The following ZXDC variants were observed in gnomAD, a reference collection of about 807,000 sequenced individuals.
ZXDC encodes ZXD family zinc finger C, also known as zinc finger protein ZXDC.
A neutral mutation model predicts 63.6 loss-of-function variants in ZXDC; 58 were observed. The observed-to-expected ratio is 0.91, with a 90% CI of 0.74 to 1.13. The LOEUF (loss-of-function observed/expected upper bound fraction) is 1.13. Among genes scored for constraint, ZXDC ranks in the 50% most tolerant of loss-of-function variants. The pLI is 0.00. For missense variants in ZXDC, 1,133 were observed against 1,148.9 expected (o/e 0.99, Z 0.20); for synonymous variants, 561 against 496.1 (o/e 1.13, Z -1.74).
In ZXDC at chr3:126,438,117, C is replaced by A; in HGVS notation, c.*258G>T. On this transcript the variant is annotated 3_prime_UTR_variant, in exon 10 of 10. Coordinates refer to ENST00000389709, the MANE Select transcript of ZXDC (RefSeq NM_025112.5). ...GGACACGGGGAAAGAGGCTGTAGTGCACCTAGCCCTGCTGAGGGAGACCCT... is the reference window on the plus strand; with the variant it reads ...GGACACGGGGAAAGAGGCTGTAGTGAACCTAGCCCTGCTGAGGGAGACCCT... 3.7e-6 allele frequency: 2 copies of A among 543,416 alleles called. No homozygotes were observed. The highest frequency in any genetic ancestry group is 6.6e-6 in the Non-Finnish European group (2 of 301,616). 33.7% of individuals were successfully genotyped at this position (543,416 alleles called of 1,614,324 possible). A position where few individuals can be genotyped will look rare whatever the true frequency, so the allele number is the denominator to read the frequency against.
At chr3:126,444,143 G>A (rs1270996447) in intron 7 of ZXDC, among the ~76,000 whole-genome samples, 8 of 152,216 alleles carry the variant, frequency 5.3e-5, no homozygotes, top group Non-Finnish European at 1.0e-4. Flanking sequence ...AGCAGGGCCG[G>A]TGCTGCAGCC....
intron 7 of ZXDC, among the ~76,000 whole-genome samples, chr3:126,447,654 C>A (rs1933930769): frequency 6.6e-6 from 1 of 152,220 alleles, no homozygotes. Context: ...CCACTGACAG[C>A]TGGCTGCTCT....
At chr3:126,443,805 G>C (rs552661594) in intron 7 of ZXDC, among the ~76,000 whole-genome samples, 1 of 152,124 alleles carries the variant, frequency 6.6e-6, no homozygotes, top group African/African-American at 2.4e-5. Flanking sequence ...TTTTTGGTTT[G>C]AACTGTTACA....
At chr3:126,441,653 C>T in intron 8 of ZXDC, 112 bp downstream of exon 8, 3 of 1,430,060 alleles carry the variant, frequency 2.1e-6, no homozygotes, top group Non-Finnish European at 1.8e-6. Context: ...GAGGGGCAGG[C>T]AGGCAGGGGG....
At chr3:126,446,464 G>T (rs1481877279) in intron 7 of ZXDC, among the ~76,000 whole-genome samples, 1 of 152,194 alleles carries the variant, frequency 6.6e-6, no homozygotes, top group Non-Finnish European at 1.5e-5. Flanking sequence ...GGCTCAAACA[G>T]CATGCCATCC....
chr3:126,475,861 T>A lies in ZXDC; in HGVS notation c.5A>T (p.Asp2Val). 1 of 1,074,932 alleles carries A rather than the reference T, an allele frequency of 9.3e-7. No homozygotes were observed. The highest frequency in any genetic ancestry group is 1.1e-6 in the Non-Finnish European group (1 of 888,940). The allele number at this position is 1,074,932 out of a possible 1,614,324, so 66.6% of individuals were successfully genotyped here. M[D>V]LPALLPAPTA... ...CGGGGCGGGGAGCAGCGCCGGGAGG[T>A]CCATCTTGGTCCCAGCGACGGCGTC... is the stretch of plus-strand genomic sequence containing the variant. The change falls in exon 1 of 10, where the codon GAC becomes GTC. Residue 2 changes from aspartate (D) to valine (V), a missense_variant. Physicochemically the swap from Asp to Val is radical, Grantham distance 152. Coordinates refer to ENST00000389709, the MANE Select transcript of ZXDC (RefSeq NM_025112.5).
intron 7 of ZXDC, among the ~76,000 whole-genome samples, chr3:126,447,340 A>T (rs1292974070): frequency 2.6e-5 from 4 of 152,226 alleles, no homozygotes; most frequent in Admixed American, 6.5e-5. Flanking sequence ...GTCATTATGA[A>T]TAAGGTCAGT....
At chr3:126,452,906 T>G in intron 7 of ZXDC, 7 of 509,522 alleles carry the variant, frequency 1.4e-5, no homozygotes, top group South Asian at 8.4e-5. Flanking sequence ...GCGTGGCTAA[T>G]TATTATTTTT....
rs1361394616 is a variant in ZXDC at position 126,437,813 on chromosome 3, C to T, written c.*562G>A. 1 of 154,912 alleles carries T rather than the reference C, an allele frequency of 6.5e-6. No homozygotes were observed. The highest frequency in any genetic ancestry group is 2.4e-5 in the African/African-American group (1 of 41,434). The allele number at this position is 154,912 out of a possible 1,614,324, so 9.6% of individuals were successfully genotyped here. A position where few individuals can be genotyped will look rare whatever the true frequency, so the allele number is the denominator to read the frequency against. On this transcript the variant is annotated 3_prime_UTR_variant, in exon 10 of 10. Transcript: ENST00000389709. ...GTCCTCTGTCCCACCACATCATCCT[C>T]CCCCGAAAACTAGCTGCCCGACTGC...
intron 7 of ZXDC, among the ~76,000 whole-genome samples, chr3:126,445,800 G>A (rs1576663728): frequency 2.0e-5 from 3 of 152,252 alleles, no homozygotes; most frequent in African/African-American, 4.8e-5. Context: ...CCCCAGGCCT[G>A]AGCAGGGTGT....
Position 126,438,077 on chromosome 3 carries a change from A to G in ZXDC, c.*298T>C, listed in dbSNP as rs1381055971. On this transcript the variant is annotated 3_prime_UTR_variant, in exon 10 of 10. Transcript: ENST00000389709. ...CTTTGTAATGCAACAAGTGCTACAC[A>G]GCTCAGATCCAACGGGACACGGGGA... 1 of 468,926 alleles carries G rather than the reference A, an allele frequency of 2.1e-6. No individual in the cohort carries two copies. The highest frequency in any genetic ancestry group is 3.9e-6 in the Non-Finnish European group (1 of 257,550). The allele number at this position is 468,926 out of a possible 1,614,324, so 29.0% of individuals were successfully genotyped here.
At position 126,475,620 on chromosome 3, in the gene ZXDC, C is replaced by A; in HGVS notation, c.246G>T (p.Pro82=). The A allele has an allele frequency of 1.4e-6, 2 of 1,473,338 alleles. No homozygotes were observed. Among genetic ancestry groups the A allele is most frequent in the South Asian group, 1.2e-5 (1 of 80,790 alleles). The allele number at this position is 1,473,338 out of a possible 1,614,324, so 91.3% of individuals were successfully genotyped here. A position where few individuals can be genotyped will look rare whatever the true frequency, so the allele number is the denominator to read the frequency against. The change falls in exon 1 of 10, where the codon CCG becomes CCT. Residue 82 remains proline, a synonymous_variant. Coordinates refer to ENST00000389709, the MANE Select transcript of ZXDC (RefSeq NM_025112.5). Reference sequence around the variant, plus strand: ...CAGCCTCGGCGGCAGCGCCGCCGTGCGGCACTTCCAGCAGCACCAAGAAAG... The same window carrying A: ...CAGCCTCGGCGGCAGCGCCGCCGTGAGGCACTTCCAGCAGCACCAAGAAAG... ...GDSFLVLLEV[P]HGGAAAEAAG...
intron 7 of ZXDC, chr3:126,457,756 C>G (rs1211836347): frequency 1.5e-6 from 1 of 687,904 alleles, no homozygotes; most frequent in African/African-American, 2.0e-5. Flanking sequence ...TAGAGTAACC[C>G]CTAAGAAATG....
At chr3:126,442,126 T>A in intron 7 of ZXDC, 180 bp from the exon 8 acceptor site, 1 of 621,484 alleles carries the variant, frequency 1.6e-6, no homozygotes, top group East Asian at 3.4e-5. Flanking sequence ...CAAACAACCA[T>A]ACGAACAAAA....
chr3:126,445,944 T>C lies in ZXDC; in HGVS notation c.2213-3998A>G, dbSNP rs547526503. Among the ~76,000 whole-genome samples, 509 of 152,302 alleles carry C rather than the reference T, an allele frequency of 3.3e-3. 3 individuals are homozygous for C. The highest frequency in any genetic ancestry group is 6.0e-3 in the Non-Finnish European group (406 of 68,004). ...GTTTATCTAGGGATGCTTAAGGACA[T>C]GCCAAAGCAAACAAATGGGGTCCAC... On this transcript the variant is annotated intron_variant, in intron 7 of 9. Coordinates refer to ENST00000389709, the MANE Select transcript of ZXDC (RefSeq NM_025112.5).
intron 6 of ZXDC, chr3:126,460,988 T>C: frequency 1.0e-6 from 1 of 971,802 alleles, no homozygotes; most frequent in Non-Finnish European, 1.2e-6. Context: ...TTATATTAAA[T>C]GTATAATTGA....
At chr3:126,460,085 C>T (rs1934464795) in intron 6 of ZXDC, 8 of 985,328 alleles carry the variant, frequency 8.1e-6, no homozygotes, top group Non-Finnish European at 9.6e-6. Flanking sequence ...CCCAGGGTCA[C>T]CTTACCGCGA....
Position 126,462,284 on chromosome 3 carries a change from T to C in ZXDC, c.1442-64A>G, listed in dbSNP as rs978087575. ...CTTGAAGACTGAGTACTTTTGTTTA[T>C]GCCCATGATGTTACCGAGTGATGCC... On this transcript the variant is annotated intron_variant, in intron 5 of 9. Coordinates refer to ENST00000389709, the MANE Select transcript of ZXDC (RefSeq NM_025112.5). 4 of 1,512,384 alleles carry C rather than the reference T, an allele frequency of 2.6e-6. No homozygotes were observed. The African/African-American group carries it at 4.2e-5, about 16-fold the overall frequency. 93.7% of individuals were successfully genotyped at this position (1,512,384 alleles called of 1,614,324 possible).
chr3:126,460,835 A>T, intron 6 of ZXDC: 3 of 985,444 alleles, frequency 3.0e-6, no homozygotes, highest in Non-Finnish European at 3.6e-6. Flanking sequence ...GTTGTGGTAA[A>T]ATAAGATGTA....
Sources: allele counts gnomAD v4.1 joint callset (sites outside exome capture counted in the v4.1 genomes callset), GRCh38; gene constraint gnomAD v4.1.1; transcripts MANE v1.5; gene names NCBI Gene and HGNC (gene_info 2026-07-23, HGNC 2026-07-21).